Variants in AGBL1 observed in about 807,000 individuals in gnomAD.
AGBL1 encodes AGBL carboxypeptidase 1, also known as cytosolic carboxypeptidase 4.
In AGBL1, 130 loss-of-function variants were observed where a neutral mutation model predicts 118.9. The observed-to-expected ratio is 1.09, with a 90% CI of 0.95 to 1.26. The LOEUF (loss-of-function observed/expected upper bound fraction) is 1.26. AGBL1 is among the 50% of genes most tolerant of loss of function. AGBL1 has a pLI of 0.00. For synonymous variants in AGBL1, 555 were observed against 478.9 expected (o/e 1.16, Z -2.08); for missense variants, 1,584 against 1,298.1 (o/e 1.22, Z -3.38).
At chr15:86,599,525 A>G (rs966981107) in intron 21 of AGBL1, among the ~76,000 whole-genome samples, 1 of 152,082 alleles carries the variant, frequency 6.6e-6, no homozygotes. Context: ...AAGTACCTCA[A>G]ATCCTTTGGG....
chr15:86,986,424 A>T (rs995341997), intron 23 of AGBL1, among the ~76,000 whole-genome samples: 1 of 152,158 alleles, frequency 6.6e-6, no homozygotes, highest in Non-Finnish European at 1.5e-5. Context: ...TTACTTTATA[A>T]TACGTTTTGA....
At chr15:86,479,053 C>T (rs1424536237) in intron 18 of AGBL1, among the ~76,000 whole-genome samples, 6 of 152,198 alleles carry the variant, frequency 3.9e-5, no homozygotes. Flanking sequence ...AAACTGGATC[C>T]TTCCTTACAC....
chr15:86,233,281 A>G (rs548300075), intron 6 of AGBL1, among the ~76,000 whole-genome samples: 40 of 152,292 alleles, frequency 2.6e-4, no homozygotes, highest in South Asian at 4.1e-4. Flanking sequence ...AATCTTACCA[A>G]TTATCAAACT....
intron 22 of AGBL1, among the ~76,000 whole-genome samples, chr15:86,785,768 C>T (rs2078403835): frequency 6.6e-6 from 1 of 152,118 alleles, no homozygotes; most frequent in Admixed American, 6.5e-5. Context: ...GAGAAAATCA[C>T]AAGAAATAAA....
At chr15:86,363,927 T>A (rs1360335258) in intron 17 of AGBL1, among the ~76,000 whole-genome samples, 2 of 152,166 alleles carry the variant, frequency 1.3e-5, no homozygotes, top group Admixed American at 6.5e-5. Flanking sequence ...GTAATCAGAG[T>A]TGATTCTTTC....
At chr15:86,530,445 CCA>C (rs956751167) in intron 19 of AGBL1, among the ~76,000 whole-genome samples, 11 of 134,958 alleles carry the variant, frequency 8.2e-5, no homozygotes, top group Admixed American at 2.1e-4. Flanking sequence ...ACAGGAGCAC[CCA>C]GATTCATAAA....
chr15:86,781,294 C>T (rs1483251857), intron 22 of AGBL1, among the ~76,000 whole-genome samples: 2 of 152,116 alleles, frequency 1.3e-5, no homozygotes, highest in East Asian at 1.9e-4. Flanking sequence ...TATTTCCTGC[C>T]TTCCGTAGGG....
At chr15:86,149,360 A>G (rs774304823) in intron 3 of AGBL1, among the ~76,000 whole-genome samples, 7 of 152,230 alleles carry the variant, frequency 4.6e-5, no homozygotes, top group South Asian at 2.1e-4. Context: ...AAGATCCATC[A>G]GAGTGCCATA....
chr15:86,584,031 G>A (rs755712003), intron 21 of AGBL1, among the ~76,000 whole-genome samples: 38 of 151,982 alleles, frequency 2.5e-4, no homozygotes, highest in Non-Finnish European at 3.4e-4. Flanking sequence ...TTTTTAATGG[G>A]GTTATTTTTT....
At position 86,410,837 on chromosome 15, in the gene AGBL1, T is replaced by TATATATATATATAA. The variant is rs1324615516; in HGVS notation, c.2555+13296_2555+13297insTATATATAAATATA. Reference sequence around the variant, plus strand: ...ATATATATATATATATATATATATATATATAATATACTATTTTATATATAA... The same window carrying TATATATATATATAA: ...ATATATATATATATATATATATATATATATATATATATAAATATAATATACTATTTTATATATAA... On this transcript the variant is annotated intron_variant, in intron 18 of 22. Coordinates refer to ENST00000614907, the MANE Select transcript of AGBL1 (RefSeq NM_001386094.1). 1.8e-4 allele frequency among the ~76,000 whole-genome samples: 18 copies of TATATATATATATAA among 101,174 alleles called. 1 individual carries two copies. Among genetic ancestry groups the TATATATATATATAA allele is most frequent in the African/African-American group, 8.1e-4 (18 of 22,192 alleles). The allele number at this position is 101,174 out of a possible 152,430, so 66.4% of individuals were successfully genotyped here.
At chr15:86,985,862 G>A (rs944200185) in intron 23 of AGBL1, among the ~76,000 whole-genome samples, 2 of 151,756 alleles carry the variant, frequency 1.3e-5, no homozygotes, top group Admixed American at 1.3e-4. Context: ...GTTCCATTTC[G>A]AGTTCGCTTT....
At chr15:86,222,468 T>A (rs1426292026) in intron 5 of AGBL1, among the ~76,000 whole-genome samples, 1 of 152,154 alleles carries the variant, frequency 6.6e-6, no homozygotes, top group African/African-American at 2.4e-5. Context: ...TCCTCAGCTC[T>A]CGTTAATTTT....
chr15:86,513,215 C>T (rs1022537384), intron 18 of AGBL1, among the ~76,000 whole-genome samples: 4 of 151,906 alleles, frequency 2.6e-5, no homozygotes, highest in Non-Finnish European at 5.9e-5. Context: ...TCTTCTCAAT[C>T]TCCTCTAATC....
chr15:86,149,150 C>T (rs1451216812), intron 3 of AGBL1, among the ~76,000 whole-genome samples: 1 of 152,168 alleles, frequency 6.6e-6, no homozygotes, highest in Non-Finnish European at 1.5e-5. Flanking sequence ...AAAGAAACAA[C>T]CACTACCAGC....
intron 22 of AGBL1, among the ~76,000 whole-genome samples, chr15:86,853,362 AT>A (rs1241375521): frequency 1.3e-5 from 2 of 152,144 alleles, no homozygotes; most frequent in Admixed American, 6.5e-5. Context: ...TAATTACCTT[AT>A]TTTTTATATC....
intron 1 of AGBL1, among the ~76,000 whole-genome samples, chr15:86,122,057 A>T (rs1898123331): frequency 6.6e-6 from 1 of 152,240 alleles, no homozygotes; most frequent in Admixed American, 6.5e-5. Flanking sequence ...TACTACACAC[A>T]TTTGCGTTTG....
intron 1 of AGBL1, among the ~76,000 whole-genome samples, chr15:86,119,863 G>A (rs1447905156): frequency 1.3e-5 from 2 of 152,148 alleles, no homozygotes; most frequent in Admixed American, 6.5e-5. Context: ...AAAGTAGAAA[G>A]ATTCGAGTGG....
chr15:87,028,782 G>A (rs367925619), intron 24 of AGBL1: 16 of 1,582,310 alleles, frequency 1.0e-5, no homozygotes, highest in Middle Eastern at 3.3e-4. Context: ...GAAGTTACAC[G>A]GCTTCAAGCA....
chr15:86,154,208 A>G (rs537650570), intron 3 of AGBL1, among the ~76,000 whole-genome samples: 2 of 152,282 alleles, frequency 1.3e-5, no homozygotes, highest in African/African-American at 4.8e-5. Flanking sequence ...GAGTTATTCA[A>G]CCCACAAGCT....
Sources: gnomAD v4.1 joint callset for allele counts (sites outside exome capture counted in the v4.1 genomes callset) on GRCh38, gnomAD v4.1.1 for gene constraint, MANE v1.5 for transcripts, NCBI Gene and HGNC (gene_info 2026-07-23, HGNC 2026-07-21) for gene names.